SLC24A2: variants seen among roughly 807,000 people sequenced by gnomAD.
SLC24A2 encodes sodium/potassium/calcium exchanger 2.
In SLC24A2, 36 loss-of-function variants were observed where a neutral mutation model predicts 62.0. The observed-to-expected ratio is 0.58, with a 90% CI of 0.44 to 0.77. The LOEUF (loss-of-function observed/expected upper bound fraction) is 0.77. Ranked by LOEUF, SLC24A2 falls within the 30% of genes least tolerant of loss-of-function variation. The probability of loss-of-function intolerance (pLI) is 0.00; values close to 1 mark genes in which losing one functional copy is unlikely to be tolerated. For synonymous variants in SLC24A2, 358 were observed against 294.0 expected (o/e 1.22, Z -2.23); for missense variants, 846 against 817.9 (o/e 1.03, Z -0.42).
At chr9:20,158,220 G>A in the SLC24A2 span, among the ~76,000 whole-genome samples, 2 of 151,668 alleles carry the variant, frequency 1.3e-5, no homozygotes, top group African/African-American at 4.8e-5. Context: ...AATGAAGGAT[G>A]AATTATAAGT....
the SLC24A2 span, among the ~76,000 whole-genome samples, chr9:19,990,433 A>C: frequency 6.6e-6 from 1 of 151,942 alleles, no homozygotes; most frequent in South Asian, 2.1e-4. Flanking sequence ...AACATGGTGA[A>C]ACCCCGTCTC....
chr9:19,661,310 G>A (rs1363737285), intron 2 of SLC24A2, among the ~76,000 whole-genome samples: 1 of 150,780 alleles, frequency 6.6e-6, no homozygotes, highest in African/African-American at 2.4e-5. Context: ...CACCTCTAAT[G>A]ACCAGTCCTT....
intron 2 of SLC24A2, among the ~76,000 whole-genome samples, chr9:19,636,315 T>TTTCCTTTTCTTTCCTTCCTTTC (rs1554690361): frequency 2.5e-5 from 1 of 40,328 alleles, no homozygotes; most frequent in Non-Finnish European, 4.7e-5. Context: ...TTTTCTTTTC[T>TTTCCTTTTCTTTCCTTCCTTTC]TTTCTTTCTT....
the SLC24A2 span, among the ~76,000 whole-genome samples, chr9:19,947,438 G>A: frequency 6.6e-6 from 1 of 150,446 alleles, no homozygotes; most frequent in African/African-American, 2.4e-5. Flanking sequence ...AAAGAAAGAA[G>A]GAAGGAAGGG....
At chr9:19,675,796 G>A (rs140670350) in intron 2 of SLC24A2, among the ~76,000 whole-genome samples, 61 of 152,194 alleles carry the variant, frequency 4.0e-4, no homozygotes, top group Non-Finnish European at 6.0e-4. Flanking sequence ...GGGTTTTCAG[G>A]TTTTGTGCCT....
chr9:20,003,734 A>T, the SLC24A2 span, among the ~76,000 whole-genome samples: 1 of 152,196 alleles, frequency 6.6e-6, no homozygotes, highest in Non-Finnish European at 1.5e-5. Context: ...AGCCATGGGC[A>T]ATACAAAAAT....
At chr9:19,623,072 A>G (rs1338404339) in intron 2 of SLC24A2, among the ~76,000 whole-genome samples, 2 of 152,210 alleles carry the variant, frequency 1.3e-5, no homozygotes, top group Non-Finnish European at 2.9e-5. Flanking sequence ...CGCAACTCAG[A>G]CAAGGGGGCA....
chr9:19,855,597 A>G, the SLC24A2 span, among the ~76,000 whole-genome samples: 1 of 152,178 alleles, frequency 6.6e-6, no homozygotes, highest in South Asian at 2.1e-4. Context: ...TCTTTTCTTC[A>G]AGAATGTTGA....
chr9:20,290,983 C>T, the SLC24A2 span, among the ~76,000 whole-genome samples: 1 of 152,194 alleles, frequency 6.6e-6, no homozygotes, highest in African/African-American at 2.4e-5. Flanking sequence ...CACCAAGGTA[C>T]ACAACCTGGC....
intron 2 of SLC24A2, among the ~76,000 whole-genome samples, chr9:19,748,969 C>A (rs1189287716): frequency 2.0e-5 from 3 of 151,532 alleles, no homozygotes; most frequent in Non-Finnish European, 2.9e-5. Context: ...AGTTCCTTCT[C>A]TCTAGAGACC....
At chr9:19,981,964 G>A in the SLC24A2 span, among the ~76,000 whole-genome samples, 8 of 152,164 alleles carry the variant, frequency 5.3e-5, no homozygotes, top group Non-Finnish European at 7.3e-5. Context: ...ATCAGTGGAG[G>A]AGGGAGAACA....
chr9:20,223,603 G>C, the SLC24A2 span, among the ~76,000 whole-genome samples: 1 of 152,284 alleles, frequency 6.6e-6, no homozygotes, highest in Non-Finnish European at 1.5e-5. Context: ...CAATAAAAGA[G>C]TAAGCTATTG....
At chr9:19,869,580 T>G in the SLC24A2 span, among the ~76,000 whole-genome samples, 1 of 152,192 alleles carries the variant, frequency 6.6e-6, no homozygotes, top group African/African-American at 2.4e-5. Context: ...AAAGTTAATT[T>G]TTTAGTGGTT....
intron 2 of SLC24A2, among the ~76,000 whole-genome samples, chr9:19,768,758 C>G (rs185028573): frequency 1.3e-5 from 2 of 151,716 alleles, no homozygotes; most frequent in Admixed American, 1.3e-4. Context: ...TGTGGTTGAC[C>G]GTGGGTAATT....
intron 5 of SLC24A2, among the ~76,000 whole-genome samples, chr9:19,589,856 C>T (rs1836498134): frequency 6.6e-6 from 1 of 152,136 alleles, no homozygotes; most frequent in Admixed American, 6.5e-5. Context: ...GAATCTTGAG[C>T]ATTGCAAAAG....
At chr9:20,273,969 C>A in the SLC24A2 span, among the ~76,000 whole-genome samples, 24 of 152,278 alleles carry the variant, frequency 1.6e-4, no homozygotes, top group Admixed American at 1.3e-4. Flanking sequence ...ATATGGGTAT[C>A]AGTCATGAGC....
At chr9:19,763,779 T>C (rs1822421845) in intron 2 of SLC24A2, among the ~76,000 whole-genome samples, 2 of 152,204 alleles carry the variant, frequency 1.3e-5, no homozygotes, top group African/African-American at 4.8e-5. Flanking sequence ...TTTTCTTTTT[T>C]TGTTGTGTCT....
intron 2 of SLC24A2, among the ~76,000 whole-genome samples, chr9:19,750,807 T>C (rs924670399): frequency 1.4e-4 from 21 of 152,152 alleles, no homozygotes; most frequent in African/African-American, 4.8e-4. Context: ...GGTGCCAAGC[T>C]ACCGGCCAGG....
chr9:19,979,883 T>C, the SLC24A2 span, among the ~76,000 whole-genome samples: 1 of 152,202 alleles, frequency 6.6e-6, no homozygotes, highest in African/African-American at 2.4e-5. Context: ...ATTTGCAATA[T>C]GGTGATAATA....
Sources: gnomAD v4.1 joint callset for allele counts (sites outside exome capture counted in the v4.1 genomes callset) on GRCh38, gnomAD v4.1.1 for gene constraint, MANE v1.5 for transcripts, NCBI Gene and HGNC (gene_info 2026-07-23, HGNC 2026-07-21) for gene names.